Variants in FOXI1 observed in about 807,000 individuals in gnomAD.
FOXI1 encodes forkhead box protein I1.
In FOXI1, 11 loss-of-function variants were observed where a neutral mutation model predicts 16.4. The ratio of observed to expected loss-of-function variants is 0.67; its 90% confidence interval spans 0.42 to 1.11. The LOEUF is 1.11. Among genes scored for constraint, FOXI1 ranks in the 50% least tolerant of loss-of-function variants. FOXI1 has a pLI of 0.00. For synonymous variants in FOXI1, 218 were observed against 211.5 expected (o/e 1.03, Z -0.27); for missense variants, 480 against 506.1 (o/e 0.95, Z 0.49).
Position 170,108,427 on chromosome 5 carries a change from C to T in FOXI1, c.953C>T (p.Thr318Ile). Residue 318 changes from threonine to isoleucine, a missense_variant, in exon 2 of 2, where the codon ACC (threonine) becomes ATC (isoleucine). Coordinates refer to ENST00000306268, the MANE Select transcript of FOXI1 (RefSeq NM_012188.5). Reference protein sequence around the residue: ...PSDKTGQNSLTFNSFSPLTNL... With the variant: ...PSDKTGQNSLIFNSFSPLTNL... ...GACAAGACGGGGCAGAACTCACTGA[C>T]CTTCAACTCCTTCTCCCCGCTCACC... 1 of 1,607,562 alleles carries T rather than the reference C, an allele frequency of 6.2e-7. No individual in the cohort carries two copies. Among genetic ancestry groups the T allele is most frequent in the South Asian group, 1.1e-5 (1 of 90,588 alleles).
intron 1 of FOXI1, 29 bp from the exon 2 acceptor site, chr5:170,108,019 TC>T (rs1327920272): frequency 6.4e-7 from 1 of 1,554,632 alleles, no homozygotes; most frequent in East Asian, 2.2e-5. Flanking sequence ...TGTCCACCTC[TC>T]TATTTACCCC....
At chr5:170,106,990 C>T (rs1414870897) in intron 1 of FOXI1, 3 of 985,284 alleles carry the variant, frequency 3.0e-6, no homozygotes, top group Non-Finnish European at 3.6e-6. Flanking sequence ...CCAAGACTGC[C>T]AGGAAGAGGA....
chr5:170,109,552 C>T lies in FOXI1; in HGVS notation c.*941C>T, dbSNP rs571081281. On this transcript the variant is annotated 3_prime_UTR_variant, in exon 2 of 2. Coordinates refer to ENST00000306268, the MANE Select transcript of FOXI1 (RefSeq NM_012188.5). ...TGGATAAGCGCTTCCTTTTTTTTAG[C>T]CCAGGAGAGGTGGATGTTTGTCTGA... 7.3e-5 allele frequency: 11 copies of T among 151,414 alleles called. No homozygotes were observed. Among genetic ancestry groups the T allele is most frequent in the African/African-American group, 2.7e-4 (11 of 41,068 alleles). 9.4% of individuals were successfully genotyped at this position (151,414 alleles called of 1,614,324 possible). A position where few individuals can be genotyped will look rare whatever the true frequency, so the allele number is the denominator to read the frequency against.
intron 1 of FOXI1, among the ~76,000 whole-genome samples, chr5:170,107,374 G>A (rs1339704703): frequency 1.3e-5 from 2 of 152,172 alleles, no homozygotes; most frequent in Admixed American, 1.3e-4. Flanking sequence ...TGCCCCATTT[G>A]AGGGTGGCAA....
At position 170,108,075 on chromosome 5, in the gene FOXI1, C is replaced by G; in HGVS notation, c.601C>G (p.Pro201Ala). 1 of 1,614,080 alleles carries G rather than the reference C, an allele frequency of 6.2e-7. No individual in the cohort carries two copies. Among genetic ancestry groups the G allele is most frequent in the South Asian group, 1.1e-5 (1 of 91,078 alleles). The change falls in exon 2 of 2, where the codon CCC becomes GCC. Residue 201 changes from proline to alanine, a missense_variant. This residue lies in a region of FOXI1 where 257 missense variants were observed against 262.2 expected (regional missense o/e 0.98). Coordinates refer to ENST00000306268, the MANE Select transcript of FOXI1 (RefSeq NM_012188.5). ...PGKGNYWTLD[P>A]NCEKMFDNGN... ...CAAAGGGAATTACTGGACCCTGGAC[C>G]CCAACTGTGAGAAAATGTTCGACAA...
chr5:170,106,509 G>T lies in FOXI1; in HGVS notation c.552G>T (p.Val184=). The change falls in exon 1 of 2, where the codon GTG becomes GTT. Residue 184 remains valine (V), a synonymous_variant. Coordinates refer to ENST00000306268, the MANE Select transcript of FOXI1 (RefSeq NM_012188.5). ...NLSLNDCFKK[V]PRDEDDPGKG... ...CGCTCAACGACTGCTTCAAGAAGGT[G>T]CCCCGCGACGAGGACGACCCGGGTA... The T allele has an allele frequency of 3.7e-6, 6 of 1,614,258 alleles. No homozygotes were observed. The highest frequency in any genetic ancestry group is 5.1e-6 in the Non-Finnish European group (6 of 1,180,048).
At position 170,106,239 on chromosome 5, in the gene FOXI1, G is replaced by T; in HGVS notation, c.282G>T (p.Pro94=). 6 of 1,579,082 alleles carry T rather than the reference G, an allele frequency of 3.8e-6. No individual in the cohort carries two copies. The highest frequency in any genetic ancestry group is 2.7e-5 in the African/African-American group (2 of 73,988). ...FLPQAYGVQR[P]LLPSVSGLGG... ...CCCAGGCCTATGGAGTGCAGAGGCC[G>T]CTGCTGCCCAGCGTGTCGGGGCTTG... Residue 94 remains proline (P), a synonymous_variant, in exon 1 of 2, where the codon CCG becomes CCT. Transcript: ENST00000306268.
intron 1 of FOXI1, 21 bp downstream of exon 1, chr5:170,106,552 G>A: frequency 1.2e-6 from 2 of 1,614,076 alleles, no homozygotes; most frequent in Middle Eastern, 1.6e-4. Context: ...TTTGAGTGTG[G>A]GGGGTGTCCC....
rs1303935956 is a variant in FOXI1 at position 170,108,386 on chromosome 5, G to A, written c.912G>A (p.Leu304=). ...PTSHPLVTPG[L]SPEPSDKTGQ... The stretch of plus-strand genomic sequence containing the variant: ...GCCACCCCTTGGTCACACCAGGACT[G>A]AGCCCTGAGCCCAGTGACAAGACGG... The change falls in exon 2 of 2, where the codon CTG becomes CTA. Residue 304 remains leucine (L), a synonymous_variant. Transcript: ENST00000306268. 1 of 1,614,024 alleles carries A rather than the reference G, an allele frequency of 6.2e-7. No homozygotes were observed. Among genetic ancestry groups the A allele is most frequent in the Admixed American group, 1.7e-5 (1 of 60,014 alleles).
In FOXI1 at chr5:170,106,127, C is replaced by T. The variant is rs752419262; in HGVS notation, c.170C>T (p.Ala57Val). The change falls in exon 1 of 2, where the codon GCC (alanine) becomes GTC (valine). Residue 57 changes from alanine (A) to valine (V), a missense_variant. By Grantham distance (64) the Ala-to-Val change is moderately conservative (BLOSUM62 0). This residue lies in a region of FOXI1 where 219 missense variants were observed against 222.9 expected (regional missense o/e 0.98). Transcript: ENST00000306268. ...PSFEGGGEYG[A>V]TPNPYLWFNG... The stretch of plus-strand genomic sequence containing the variant: ...TTCGAGGGGGGCGGCGAGTATGGGG[C>T]CACCCCCAACCCCTACCTCTGGTTC... 3.7e-6 allele frequency: 6 copies of T among 1,611,318 alleles called. No individual in the cohort carries two copies. The highest frequency in any genetic ancestry group is 5.1e-6 in the Non-Finnish European group (6 of 1,178,706).
At position 170,106,340 on chromosome 5, in the gene FOXI1, A is replaced by G; in HGVS notation, c.383A>G (p.Tyr128Cys). The change falls in exon 1 of 2, where the codon TAC becomes TGC. Residue 128 changes from tyrosine (Y) to cysteine (C), a missense_variant. By Grantham distance (194) the Tyr-to-Cys change is radical. Transcript: ENST00000306268. ...LMKLVRPPYS[Y>C]SALIAMAIHG... is the part of the protein sequence containing the mutation. ...AAGCTGGTGCGGCCACCCTATTCCT[A>G]CTCGGCTCTCATCGCCATGGCCATC... The G allele has an allele frequency of 6.2e-7, 1 of 1,607,594 alleles. No homozygotes were observed. Among genetic ancestry groups the G allele is most frequent in the Non-Finnish European group, 8.5e-7 (1 of 1,176,932 alleles).
chr5:170,105,934 G>A lies in FOXI1; in HGVS notation c.-24G>A, dbSNP rs1758462757. ...TCCGGGGTGCAGGTGCCAGGCAGGT[G>A]GCTCCGGCCAGCCCAGCCCCAGCAT... On this transcript the variant is annotated 5_prime_UTR_variant, in exon 1 of 2. Coordinates refer to ENST00000306268, the MANE Select transcript of FOXI1 (RefSeq NM_012188.5). 6.4e-7 allele frequency: 1 copy of A among 1,572,206 alleles called. No individual in the cohort carries two copies. Among genetic ancestry groups the A allele is most frequent in the African/African-American group, 1.3e-5 (1 of 74,148 alleles).
intron 1 of FOXI1, among the ~76,000 whole-genome samples, chr5:170,107,535 G>A (rs1758527038): frequency 6.6e-6 from 1 of 152,200 alleles, no homozygotes; most frequent in Non-Finnish European, 1.5e-5. Context: ...ATCCGGTGTG[G>A]ATCCTTTCTC....
chr5:170,106,170 C>A lies in FOXI1; in HGVS notation c.213C>A (p.Thr71=). The change falls in exon 1 of 2, where the codon ACC becomes ACA. Residue 71 remains threonine (T), a synonymous_variant. Transcript: ENST00000306268. ...PYLWFNGPTM[T]PPPYLPGPNA... is the part of the protein sequence containing the mutation. ...TCTGGTTCAACGGGCCCACCATGAC[C>A]CCGCCACCCTACCTGCCCGGCCCCA... The A allele has an allele frequency of 6.2e-7, 1 of 1,601,668 alleles. No individual in the cohort carries two copies. The highest frequency in any genetic ancestry group is 8.5e-7 in the Non-Finnish European group (1 of 1,173,448).
rs1289706068 is a variant in FOXI1 at position 170,108,857 on chromosome 5, G to A, written c.*246G>A. 3 of 569,688 alleles carry A rather than the reference G, an allele frequency of 5.3e-6. No homozygotes were observed. The highest frequency in any genetic ancestry group is 3.1e-6 in the Non-Finnish European group (1 of 318,084). The allele number at this position is 569,688 out of a possible 1,614,324, so 35.3% of individuals were successfully genotyped here. On this transcript the variant is annotated 3_prime_UTR_variant, in exon 2 of 2. Coordinates refer to ENST00000306268, the MANE Select transcript of FOXI1 (RefSeq NM_012188.5). ...TGCAGAGCAGCACTAACAGTGGCAGGTGCTGTACTAGGCTCTGTACTGGCC... is the reference window on the plus strand; with the variant it reads ...TGCAGAGCAGCACTAACAGTGGCAGATGCTGTACTAGGCTCTGTACTGGCC...
rs1353382529 is a variant in FOXI1 at position 170,109,632 on chromosome 5, G to C, written c.*1021G>C. ...GGGCCCACCCTCACAGGGGGTCTCTGTGTGATCTCTTGGGATTTCTCCTTG... is the reference window on the plus strand; with the variant it reads ...GGGCCCACCCTCACAGGGGGTCTCTCTGTGATCTCTTGGGATTTCTCCTTG... On this transcript the variant is annotated 3_prime_UTR_variant, in exon 2 of 2. Transcript: ENST00000306268. 1 of 152,214 alleles carries C rather than the reference G, an allele frequency of 6.6e-6. No individual in the cohort carries two copies. Among genetic ancestry groups the C allele is most frequent in the Non-Finnish European group, 1.5e-5 (1 of 68,036 alleles). 9.4% of individuals were successfully genotyped at this position (152,214 alleles called of 1,614,324 possible). A position where few individuals can be genotyped will look rare whatever the true frequency, so the allele number is the denominator to read the frequency against.
intron 1 of FOXI1, chr5:170,106,976 C>A: frequency 1.0e-6 from 1 of 985,338 alleles, no homozygotes; most frequent in Non-Finnish European, 1.2e-6. Flanking sequence ...AGCCCAAGGG[C>A]ATCCCAAGAC....
Position 170,106,024 on chromosome 5 carries a change from C to A in FOXI1, c.67C>A (p.Gln23Lys). The change falls in exon 1 of 2, where the codon CAG (glutamine) becomes AAG (lysine). Residue 23 changes from glutamine (Q) to lysine (K), a missense_variant. Gln to Lys is a moderately conservative substitution (Grantham distance 53). Transcript: ENST00000306268. ...RCSPQFPSIGQEPPEMNLYYE... is the reference protein window; with the variant it reads ...RCSPQFPSIGKEPPEMNLYYE... ...CAGCCCCCAGTTCCCCAGCATCGGC[C>A]AGGAGCCCCCCGAGATGAACCTCTA... 1 of 1,612,260 alleles carries A rather than the reference C, an allele frequency of 6.2e-7. No homozygotes were observed. Among genetic ancestry groups the A allele is most frequent in the Non-Finnish European group, 8.5e-7 (1 of 1,178,708 alleles).
intron 1 of FOXI1, 22 bp from the exon 2 acceptor site, chr5:170,108,027 C>T: frequency 6.3e-7 from 1 of 1,577,604 alleles, no homozygotes; most frequent in Non-Finnish European, 8.7e-7. Flanking sequence ...TCTCTATTTA[C>T]CCCCTTTCAC....
Sources: gnomAD v4.1 joint callset for allele counts (sites outside exome capture counted in the v4.1 genomes callset) on GRCh38, gnomAD v4.1.1 for gene constraint, gnomAD v4.1.1 regional missense constraint, MANE v1.5 for transcripts, NCBI Gene and HGNC (gene_info 2026-07-23, HGNC 2026-07-21) for gene names.